NCAM1: variants seen among roughly 807,000 people sequenced by gnomAD.
NCAM1 encodes neural cell adhesion molecule 1.
In NCAM1, 14 loss-of-function variants were observed where a neutral mutation model predicts 109.8. The ratio of observed to expected loss-of-function variants is 0.13; its 90% CI spans 0.08 to 0.20. The LOEUF (loss-of-function observed/expected upper bound fraction) is 0.20. NCAM1 is among the 10% of genes least tolerant of loss of function. NCAM1 has a pLI of 1.00. For synonymous variants in NCAM1, 418 were observed against 442.9 expected, an observed-to-expected ratio of 0.94 and a Z score of 0.70; for missense variants, 774 against 1,109.9, an observed-to-expected ratio of 0.70 and a Z score of 4.30.
intron 17 of NCAM1, among the ~76,000 whole-genome samples, chr11:113,261,570 A>T (rs1375938243): frequency 6.6e-6 from 1 of 152,124 alleles, no homozygotes; most frequent in Non-Finnish European, 1.5e-5. Context: ...GCACGTGGGC[A>T]AGGCTGCAGG....
At chr11:113,048,963 C>T (rs781936665) in intron 1 of NCAM1, among the ~76,000 whole-genome samples, 3 of 152,196 alleles carry the variant, frequency 2.0e-5, no homozygotes, top group Non-Finnish European at 2.9e-5. Flanking sequence ...TATTGTTCTA[C>T]GGGCTAAGGG....
At chr11:113,133,449 G>T (rs782172543) in intron 1 of NCAM1, 6 of 152,186 alleles carry the variant, frequency 3.9e-5, no homozygotes, top group Non-Finnish European at 8.8e-5. Context: ...CAACAAAAAG[G>T]TAAGGAACTG....
chr11:113,154,173 A>G (rs556613234), intron 1 of NCAM1, among the ~76,000 whole-genome samples: 1 of 152,372 alleles, frequency 6.6e-6, no homozygotes, highest in African/African-American at 2.4e-5. Context: ...TATAACCTTA[A>G]TGGAATGATG....
rs1173697086 is a variant in NCAM1, at chr11:112,983,129, C to CT, written c.52+21470dup. 8.5e-5 allele frequency among the ~76,000 whole-genome samples: 13 copies of CT among 152,052 alleles called. No homozygotes were observed. In the East Asian group the frequency reaches 2.3e-3, roughly 27 times the overall value. On this transcript the variant is annotated intron_variant, in intron 1 of 19. Coordinates refer to ENST00000316851, the MANE Select transcript of NCAM1 (RefSeq NM_181351.5). ...AAAGAATTAAAACCACAGAGCTGCCCTTTTTATATGGTGGTACTGCTTTCA... is the reference window on the plus strand; with the variant it reads ...AAAGAATTAAAACCACAGAGCTGCCCTTTTTTATATGGTGGTACTGCTTTCA...
At chr11:113,098,458 TA>T (rs1159639041) in intron 1 of NCAM1, among the ~76,000 whole-genome samples, 1 of 149,082 alleles carries the variant, frequency 6.7e-6, no homozygotes, top group African/African-American at 2.5e-5. Context: ...TTTGTATTAT[TA>T]TTATTTTTTC....
intron 1 of NCAM1, among the ~76,000 whole-genome samples, chr11:113,058,854 A>G (rs1953814352): frequency 6.6e-6 from 1 of 152,192 alleles, no homozygotes; most frequent in African/African-American, 2.4e-5. Context: ...CTCCTGACAG[A>G]CACACTTTCA....
At chr11:113,055,978 G>GATATATATAT (rs58693567) in intron 1 of NCAM1, among the ~76,000 whole-genome samples, 22 of 60,032 alleles carry the variant, frequency 3.7e-4, no homozygotes, top group South Asian at 1.4e-3. Context: ...AAGAAAATGT[G>GATATATATAT]ATATATATAT....
intron 1 of NCAM1, among the ~76,000 whole-genome samples, chr11:113,151,358 A>C (rs1396711268): frequency 1.3e-5 from 2 of 152,214 alleles, no homozygotes; most frequent in Non-Finnish European, 2.9e-5. Context: ...ATCGGAGCTC[A>C]AGAGAGAAAA....
At chr11:112,968,633 T>G (rs567065640) in intron 1 of NCAM1, among the ~76,000 whole-genome samples, 8 of 152,316 alleles carry the variant, frequency 5.3e-5, no homozygotes, top group Admixed American at 5.2e-4. Flanking sequence ...GTTTCCAGTC[T>G]AGTAGTACAG....
chr11:113,032,454 G>A (rs528567337), intron 1 of NCAM1, among the ~76,000 whole-genome samples: 7 of 152,214 alleles, frequency 4.6e-5, no homozygotes, highest in African/African-American at 4.8e-5. Flanking sequence ...CCTGCATCCC[G>A]TCGGCTGACT....
chr11:113,077,180 C>G (rs1433757444), intron 1 of NCAM1, among the ~76,000 whole-genome samples: 2 of 152,068 alleles, frequency 1.3e-5, no homozygotes, highest in Non-Finnish European at 2.9e-5. Flanking sequence ...CAAACAATGA[C>G]AAAACTGCAT....
intron 1 of NCAM1, among the ~76,000 whole-genome samples, chr11:112,996,478 G>A (rs1404387777): frequency 3.3e-5 from 5 of 152,132 alleles, no homozygotes; most frequent in Non-Finnish European, 5.9e-5. Context: ...ACCTTTCACT[G>A]TTATAAATTG....
chr11:113,069,354 A>G (rs1336703815), intron 1 of NCAM1, among the ~76,000 whole-genome samples: 1 of 152,218 alleles, frequency 6.6e-6, no homozygotes, highest in Admixed American at 6.5e-5. Flanking sequence ...GGAAGGGGCT[A>G]GGAATGCCAG....
intron 1 of NCAM1, among the ~76,000 whole-genome samples, chr11:113,137,346 G>A (rs1473993987): frequency 1.3e-5 from 2 of 152,200 alleles, no homozygotes; most frequent in Non-Finnish European, 2.9e-5. Context: ...TTATTTAAAA[G>A]GAGAACTCAG....
intron 1 of NCAM1, among the ~76,000 whole-genome samples, chr11:113,042,074 A>G (rs1280124116): frequency 1.3e-5 from 2 of 151,876 alleles, no homozygotes; most frequent in South Asian, 2.1e-4. Context: ...TCTGGTACCT[A>G]TTTCATCAGT....
At chr11:113,048,016 T>G (rs1953333305) in intron 1 of NCAM1, among the ~76,000 whole-genome samples, 1 of 152,160 alleles carries the variant, frequency 6.6e-6, no homozygotes, top group Admixed American at 6.5e-5. Context: ...AGGCTCCAGC[T>G]TGCTGCAGTA....
At chr11:113,169,180 C>T (rs1310984645) in intron 1 of NCAM1, among the ~76,000 whole-genome samples, 2 of 151,966 alleles carry the variant, frequency 1.3e-5, no homozygotes, top group Non-Finnish European at 2.9e-5. Context: ...GCAACCATAT[C>T]CCAAAAACAG....
intron 17 of NCAM1, among the ~76,000 whole-genome samples, chr11:113,268,389 T>G (rs1946185534): frequency 6.6e-6 from 1 of 152,102 alleles, no homozygotes. Context: ...CAAGCCTTCC[T>G]GGGGGAATGC....
intron 1 of NCAM1, among the ~76,000 whole-genome samples, chr11:113,044,020 G>T (rs901100786): frequency 6.6e-6 from 1 of 150,400 alleles, no homozygotes; most frequent in Non-Finnish European, 1.5e-5. Flanking sequence ...ATAATATTTA[G>T]CCTCGGTAAT....
Sources: allele counts gnomAD v4.1 joint callset (sites outside exome capture counted in the v4.1 genomes callset), GRCh38; gene constraint gnomAD v4.1.1; transcripts MANE v1.5; gene names NCBI Gene and HGNC (gene_info 2026-07-23, HGNC 2026-07-21).